Variants in RAPGEF2 observed in about 807,000 individuals in gnomAD.
The protein encoded by RAPGEF2 is PDZ domain containing guanine nucleotide exchange factor (GEF) 1.
A neutral mutation model predicts 186.7 loss-of-function variants in RAPGEF2; 54 were observed. The observed-to-expected ratio is 0.29, with a 90% confidence interval of 0.23 to 0.36. The LOEUF is 0.36. RAPGEF2 is among the 10% of genes least tolerant of loss of function. The pLI is 1.00. For missense variants in RAPGEF2, 1,532 were observed against 2,045.0 expected (o/e 0.75, Z 4.84); for synonymous variants, 712 against 705.9 (o/e 1.01, Z -0.14).
intron 1 of RAPGEF2, among the ~76,000 whole-genome samples, chr4:159,179,433 T>C (rs1746791277): frequency 6.6e-6 from 1 of 152,206 alleles, no homozygotes. Flanking sequence ...AAAAAAAGAA[T>C]CTAAAAGTGT....
chr4:159,277,086 A>G (rs1227491990), intron 7 of RAPGEF2, among the ~76,000 whole-genome samples: 1 of 66,912 alleles, frequency 1.5e-5, no homozygotes, highest in Non-Finnish European at 3.0e-5. Flanking sequence ...CCCCTACCCC[A>G]CTACAGGCCC....
intron 7 of RAPGEF2, among the ~76,000 whole-genome samples, chr4:159,300,355 T>C (rs2111024975): frequency 6.6e-6 from 1 of 151,948 alleles, no homozygotes; most frequent in African/African-American, 2.4e-5. Context: ...TTTATTAAAA[T>C]TGTCATTCAC....
intron 4 of RAPGEF2, among the ~76,000 whole-genome samples, chr4:159,216,208 A>T (rs1579488508): frequency 6.6e-6 from 1 of 152,090 alleles, no homozygotes; most frequent in African/African-American, 2.4e-5. Context: ...AAGATGATCT[A>T]CCCCTGCCAT....
chr4:159,328,944 C>T (rs766319315), intron 11 of RAPGEF2: 1 of 151,922 alleles, frequency 6.6e-6, no homozygotes, highest in Non-Finnish European at 1.5e-5. Context: ...CTCTAAATGC[C>T]CTATGAAATC....
chr4:159,166,693 T>A (rs1310028228), intron 1 of RAPGEF2, among the ~76,000 whole-genome samples: 2 of 152,184 alleles, frequency 1.3e-5, no homozygotes, highest in Non-Finnish European at 2.9e-5. Context: ...GTAGTGTCTA[T>A]ATTGTCTTGT....
intron 7 of RAPGEF2, among the ~76,000 whole-genome samples, chr4:159,263,341 G>T (rs1757083225): frequency 6.6e-6 from 1 of 152,172 alleles, no homozygotes; most frequent in Non-Finnish European, 1.5e-5. Flanking sequence ...CATTGGCTTA[G>T]TGCTTAATTA....
chr4:159,350,918 A>G, intron 26 of RAPGEF2: 1 of 1,026,128 alleles, frequency 9.7e-7, no homozygotes, highest in Non-Finnish European at 1.4e-6. Context: ...AGGGCTTAAT[A>G]CATTGTTAAA....
In RAPGEF2 at chr4:159,325,901, G is replaced by A. The variant is rs141716674; in HGVS notation, c.1149+2284G>A. On this transcript the variant is annotated intron_variant, in intron 11 of 29. Transcript: ENST00000691494. ...AGTAGGAAACCCAGATAGTCAACAG[G>A]GAAGAGTCCAATTCAAAAGAAAACT... is the stretch of plus-strand genomic sequence containing the variant. Among the ~76,000 whole-genome samples the A allele has an allele frequency of 4.3e-3, 649 of 152,092 alleles. 10 individuals carry two copies. Among genetic ancestry groups the A allele is most frequent in the African/African-American group, 0.015 (617 of 41,470 alleles).
At chr4:159,122,700 G>A (rs1739841630) in intron 1 of RAPGEF2, among the ~76,000 whole-genome samples, 1 of 152,158 alleles carries the variant, frequency 6.6e-6, no homozygotes, top group South Asian at 2.1e-4. Context: ...TGAGGAGTTT[G>A]TCCATCAGTA....
intron 7 of RAPGEF2, among the ~76,000 whole-genome samples, chr4:159,275,054 C>CTGT (rs1491129353): frequency 7.0e-6 from 1 of 143,868 alleles, no homozygotes; most frequent in Non-Finnish European, 1.5e-5. Context: ...CTCTGTCTCT[C>CTGT]GTGTGTGTGT....
intron 17 of RAPGEF2, among the ~76,000 whole-genome samples, chr4:159,334,933 T>C: frequency 6.6e-6 from 1 of 151,976 alleles, no homozygotes; most frequent in East Asian, 1.9e-4. Flanking sequence ...GTAATGCAAT[T>C]GAAAAGAAAA....
intron 20 of RAPGEF2, 51 bp from the exon 21 acceptor site, chr4:159,342,928 G>T (rs41280511): frequency 0.067 from 97,541 of 1,466,406 alleles, 3,734 homozygotes; most frequent in Middle Eastern, 0.083. Context: ...TAAATAATCT[G>T]TACACTATTT....
chr4:159,165,789 C>T (rs181580786), intron 1 of RAPGEF2, among the ~76,000 whole-genome samples: 7 of 152,178 alleles, frequency 4.6e-5, no homozygotes, highest in African/African-American at 1.7e-4. Context: ...GTTGGGGTCT[C>T]GCTATGTTGC....
rs556835643 is a variant in RAPGEF2 at position 159,198,302 on chromosome 4, CTT to C, written c.197+5048_197+5049del. 2.3e-3 allele frequency among the ~76,000 whole-genome samples: 157 copies of C among 68,218 alleles called. 6 individuals are homozygous for C. The highest frequency in any genetic ancestry group is 0.018 in the Middle Eastern group (3 of 170). The allele number at this position is 68,218 out of a possible 152,430, so 44.8% of individuals were successfully genotyped here. A position where few individuals can be genotyped will look rare whatever the true frequency, so the allele number is the denominator to read the frequency against. ...TCTTTCTTTCTTTCTTTCTTTCTTT[CTT>C]TCTTTCTTTCTTTCTTTCTTTCTTT... On this transcript the variant is annotated intron_variant, in intron 3 of 29. Transcript: ENST00000691494.
intron 25 of RAPGEF2, among the ~76,000 whole-genome samples, chr4:159,348,464 C>T (rs1046942522): frequency 7.2e-5 from 11 of 152,154 alleles, no homozygotes; most frequent in Non-Finnish European, 1.5e-4. Flanking sequence ...CAAGTGTCCT[C>T]TTTATTGATA....
At chr4:159,357,883 G>T (rs1421086636) in intron 29 of RAPGEF2, among the ~76,000 whole-genome samples, 1 of 151,722 alleles carries the variant, frequency 6.6e-6, no homozygotes, top group Non-Finnish European at 1.5e-5. Context: ...AATATATAAT[G>T]CATATCTTTT....
intron 4 of RAPGEF2, among the ~76,000 whole-genome samples, chr4:159,225,554 A>G (rs536694543): frequency 2.8e-4 from 43 of 152,102 alleles, no homozygotes; most frequent in African/African-American, 9.9e-4. Flanking sequence ...TGTATAAGGA[A>G]CTCCCACACT....
chr4:159,327,219 A>G (rs573652676), intron 11 of RAPGEF2: 1 of 152,364 alleles, frequency 6.6e-6, no homozygotes, highest in East Asian at 1.9e-4. Context: ...AAATAATCCT[A>G]TGATATAAAC....
At chr4:159,124,255 G>A (rs1388358018) in intron 1 of RAPGEF2, among the ~76,000 whole-genome samples, 1 of 151,848 alleles carries the variant, frequency 6.6e-6, no homozygotes, top group African/African-American at 2.4e-5. Flanking sequence ...TATCTAGTAA[G>A]TCGGCCAGGT....
Sources: gnomAD v4.1 joint callset for allele counts (sites outside exome capture counted in the v4.1 genomes callset) on GRCh38, gnomAD v4.1.1 for gene constraint, MANE v1.5 for transcripts, NCBI Gene and HGNC (gene_info 2026-07-23, HGNC 2026-07-21) for gene names.